The following CDH4 variants were observed in gnomAD, a reference collection of about 807,000 sequenced individuals.
CDH4 encodes cadherin 4.
In CDH4, 33 loss-of-function variants were observed where a neutral mutation model predicts 86.0. The observed-to-expected ratio is 0.38, with a 90% CI of 0.29 to 0.51. The LOEUF is 0.51. Ranked by LOEUF, CDH4 falls within the 20% of genes least tolerant of loss-of-function variation. The probability of loss-of-function intolerance (pLI) is 0.86; values close to 1 mark genes in which losing one functional copy is unlikely to be tolerated. For synonymous variants in CDH4, 555 were observed against 549.4 expected, an observed-to-expected ratio of 1.01 and a Z score of -0.14; for missense variants, 1,114 against 1,307.4, an observed-to-expected ratio of 0.85 and a Z score of 2.28.
At position 61,444,873 on chromosome 20, in the gene CDH4, TTCTC is replaced by T. The variant is rs879935741; in HGVS notation, c.169+189938_169+189941del. On this transcript the variant is annotated intron_variant, in intron 2 of 15. Transcript: ENST00000614565. ...TATTTGTGTGTATATGTATGTGTGT[TTCTC>T]TATGTGTGTCTGTGTATATTTGTGT... Among the ~76,000 whole-genome samples, 303 of 148,574 alleles carry T rather than the reference TTCTC, an allele frequency of 2.0e-3. 2 individuals carry two copies. The highest frequency in any genetic ancestry group is 6.6e-3 in the African/African-American group (267 of 40,216).
intron 4 of CDH4, among the ~76,000 whole-genome samples, chr20:61,789,670 G>A (rs1311516146): frequency 2.0e-5 from 3 of 152,210 alleles, no homozygotes; most frequent in Non-Finnish European, 2.9e-5. Context: ...TGCCTTGCCC[G>A]GGGCATGCCA....
intron 5 of CDH4, among the ~76,000 whole-genome samples, chr20:61,849,617 C>T (rs995253701): frequency 2.6e-5 from 4 of 152,144 alleles, no homozygotes; most frequent in African/African-American, 9.7e-5. Context: ...TGTGGCAGGT[C>T]TGGATCCTTG....
chr20:61,843,179 G>A (rs368590910), intron 4 of CDH4, among the ~76,000 whole-genome samples: 4 of 151,318 alleles, frequency 2.6e-5, no homozygotes, highest in South Asian at 2.1e-4. Context: ...GGCCAGGCGC[G>A]GTGGCTCACG....
rs1568688689 is a variant in CDH4 at position 61,565,252 on chromosome 20, T to TGGTGATGGTGGTGGTCCTCTTGGTGATGG, written c.170-178296_170-178295insCCTCTTGGTGATGGGGTGATGGTGGTGGT. On this transcript the variant is annotated intron_variant, in intron 2 of 15. Transcript: ENST00000614565. ...GTGGTGGTGGTGGTGGCGGTGCTCT[T>TGGTGATGGTGGTGGTCCTCTTGGTGATGG]GGTGATGGTGGTGGTGGTCCTCTTG... Among the ~76,000 whole-genome samples, 14 of 77,252 alleles carry TGGTGATGGTGGTGGTCCTCTTGGTGATGG rather than the reference T, an allele frequency of 1.8e-4. 4 individuals carry two copies. The highest frequency in any genetic ancestry group is 3.4e-4 in the Non-Finnish European group (12 of 35,654). The allele number at this position is 77,252 out of a possible 152,430, so 50.7% of individuals were successfully genotyped here.
At chr20:61,795,861 G>GAGTGAGTGAATGAAT (rs1369277150) in intron 4 of CDH4, among the ~76,000 whole-genome samples, 1 of 152,194 alleles carries the variant, frequency 6.6e-6, no homozygotes, top group Non-Finnish European at 1.5e-5. Context: ...ATGAATGAAT[G>GAGTGAGTGAATGAAT]AATGAGTGGA....
intron 4 of CDH4, among the ~76,000 whole-genome samples, chr20:61,774,580 G>A (rs1247389487): frequency 6.6e-6 from 1 of 152,148 alleles, no homozygotes; most frequent in Non-Finnish European, 1.5e-5. Flanking sequence ...TGTTACCTAG[G>A]TAAACGTGTG....
At chr20:61,470,691 CT>C (rs2145568152) in intron 2 of CDH4, among the ~76,000 whole-genome samples, 1 of 152,030 alleles carries the variant, frequency 6.6e-6, no homozygotes, top group East Asian at 1.9e-4. Context: ...ATGGCTTTTA[CT>C]ATATTGAGGT....
intron 2 of CDH4, among the ~76,000 whole-genome samples, chr20:61,635,591 G>A (rs79028214): frequency 6.6e-6 from 1 of 152,314 alleles, no homozygotes; most frequent in East Asian, 1.9e-4. Flanking sequence ...GGGCACAAGG[G>A]AACGAGGGGC....
At chr20:61,875,394 C>G (rs1031809336) in intron 7 of CDH4, among the ~76,000 whole-genome samples, 1 of 151,432 alleles carries the variant, frequency 6.6e-6, no homozygotes, top group African/African-American at 2.5e-5. Flanking sequence ...CCGCCGGGTT[C>G]AGCACGGGCT....
intron 2 of CDH4, among the ~76,000 whole-genome samples, chr20:61,715,038 A>C (rs1275318002): frequency 6.6e-6 from 1 of 152,178 alleles, no homozygotes; most frequent in East Asian, 1.9e-4. Flanking sequence ...GCAATGTGTG[A>C]GCATTTGCTT....
chr20:61,613,287 C>T (rs985706109), intron 2 of CDH4, among the ~76,000 whole-genome samples: 5 of 152,114 alleles, frequency 3.3e-5, no homozygotes, highest in Admixed American at 2.6e-4. Context: ...CAGCTGCTGC[C>T]TTCCAGGCAG....
chr20:61,367,401 A>G (rs748968386), intron 2 of CDH4, among the ~76,000 whole-genome samples: 1 of 152,244 alleles, frequency 6.6e-6, no homozygotes, highest in Non-Finnish European at 1.5e-5. Context: ...GCCAATTAAA[A>G]AAAAACAATG....
intron 2 of CDH4, among the ~76,000 whole-genome samples, chr20:61,658,968 C>A (rs1007987204): frequency 1.3e-5 from 2 of 152,188 alleles, no homozygotes; most frequent in Non-Finnish European, 2.9e-5. Flanking sequence ...AGCAGCGGCT[C>A]ACCCTCAAGG....
chr20:61,590,986 C>T (rs1408206588), intron 2 of CDH4, among the ~76,000 whole-genome samples: 1 of 150,658 alleles, frequency 6.6e-6, no homozygotes, highest in Non-Finnish European at 1.5e-5. Context: ...ATCCAGATGG[C>T]ACCCTCAGAG....
At chr20:61,565,062 T>TTGGTGGTGGTGGTGGTGG (rs140113205) in intron 2 of CDH4, among the ~76,000 whole-genome samples, 2,457 of 101,074 alleles carry the variant, frequency 0.024, 275 homozygotes, top group African/African-American at 0.091. Flanking sequence ...GGTGGTGCTC[T>TTGGTGGTGGTGGTGGTGG]TGGTGGTGGT....
At chr20:61,744,372 G>T (rs1245285801) in intron 3 of CDH4, among the ~76,000 whole-genome samples, 23 of 149,850 alleles carry the variant, frequency 1.5e-4, no homozygotes, top group African/African-American at 5.4e-4. Context: ...GAGGAAGAGA[G>T]GGAGAGAGAG....
chr20:61,839,514 T>G (rs1214070069), intron 4 of CDH4, among the ~76,000 whole-genome samples: 1 of 127,450 alleles, frequency 7.8e-6, no homozygotes, highest in African/African-American at 2.5e-5. Context: ...TTAGTGTGTG[T>G]TGTGTGTATG....
intron 2 of CDH4, among the ~76,000 whole-genome samples, chr20:61,731,622 G>C (rs572665367): frequency 6.6e-6 from 1 of 152,214 alleles, no homozygotes; most frequent in South Asian, 2.1e-4. Flanking sequence ...GAAAAGCGCC[G>C]TTTCCAGCGG....
rs2054839007 is a variant in CDH4, at chr20:61,910,527, A to G, written c.1294A>G (p.Ile432Val). ...TCCAAACTGGAATGCCGTTTACCGC[A>G]TCATCAGTGGGGATCCATCCGGGCA... The part of the protein sequence containing the change: ...HSPNWNAVYR[I>V]ISGDPSGHFS... Residue 432 changes from isoleucine to valine, a missense_variant, in exon 9 of 16, where the codon ATC (isoleucine) becomes GTC (valine). Ile to Val is a conservative substitution (Grantham distance 29, BLOSUM62 3). Around this residue, in one of 3 missense-constraint regions of CDH4, gnomAD observed 705 missense variants for 914.1 expected, o/e 0.77. Transcript: ENST00000614565. 6.2e-7 allele frequency: 1 copy of G among 1,613,962 alleles called. No homozygotes were observed. Among genetic ancestry groups the G allele is most frequent in the Non-Finnish European group, 8.5e-7 (1 of 1,180,014 alleles).
Sources: allele counts gnomAD v4.1 joint callset (sites outside exome capture counted in the v4.1 genomes callset), GRCh38; gene constraint gnomAD v4.1.1; regional missense constraint gnomAD v4.1.1; transcripts MANE v1.5; gene names NCBI Gene and HGNC (gene_info 2026-07-23, HGNC 2026-07-21).